Variants in RIN3 observed in about 807,000 individuals in gnomAD.
The protein encoded by RIN3 is RAB5 interacting protein 3.
A neutral mutation model predicts 76.3 loss-of-function variants in RIN3; 54 were observed. The observed-to-expected ratio is 0.71, with a 90% CI of 0.57 to 0.89. The LOEUF (loss-of-function observed/expected upper bound fraction) is 0.89, where lower values mean the gene tolerates loss of function less well. RIN3 is among the 40% of genes least tolerant of loss of function. The pLI is 0.00. For synonymous variants in RIN3, 576 were observed against 564.0 expected (o/e 1.02, Z -0.30); for missense variants, 1,256 against 1,322.1 (o/e 0.95, Z 0.78).
intron 1 of RIN3, among the ~76,000 whole-genome samples, chr14:92,531,521 C>T (rs1050213751): frequency 6.6e-6 from 1 of 152,230 alleles, no homozygotes; most frequent in African/African-American, 2.4e-5. Context: ...CTTGGCTTTG[C>T]AAGGGCACCT....
At chr14:92,529,204 G>T (rs562583900) in intron 1 of RIN3, among the ~76,000 whole-genome samples, 1 of 152,054 alleles carries the variant, frequency 6.6e-6, no homozygotes, top group Admixed American at 6.5e-5. Context: ...TTGCAAATCA[G>T]CTTACTTGCT....
chr14:92,615,403 C>A lies in RIN3; in HGVS notation c.368-4C>A. 6.2e-7 allele frequency: 1 copy of A among 1,613,908 alleles called. No individual in the cohort carries two copies. The highest frequency in any genetic ancestry group is 8.5e-7 in the Non-Finnish European group (1 of 1,179,824). On this transcript the variant is annotated splice_region_variant and splice_polypyrimidine_tract_variant and intron_variant, in intron 3 of 9. Transcript: ENST00000216487. ...CACCCAGGGCCCTTCTTGTGTCTCC[C>A]CAGTATTGTACCTGGAAGGCTCGGC... is the stretch of plus-strand genomic sequence containing the variant.
intron 3 of RIN3, among the ~76,000 whole-genome samples, chr14:92,597,376 T>A (rs1430402963): frequency 6.6e-6 from 1 of 152,176 alleles, no homozygotes; most frequent in East Asian, 1.9e-4. Flanking sequence ...TCTCATTGGC[T>A]CCAGGGTCCT....
In RIN3 at chr14:92,685,906, C is replaced by T. The variant is rs921588066; in HGVS notation, c.2631+756C>T. On this transcript the variant is annotated intron_variant, in intron 9 of 9. Transcript: ENST00000216487. This position sits in a 1 kb window ranked among gnomAD's most constrained non-coding sequence, Gnocchi z 4.7. ...GCTGGGTGGGGTGCCCTCCTCTGGG[C>T]TTCCTGCGGCCTCCCCTTTTACAGT... is the stretch of plus-strand genomic sequence containing the variant. 6.6e-6 allele frequency: 1 copy of T among 152,516 alleles called. No individual in the cohort carries two copies. The highest frequency in any genetic ancestry group is 1.5e-5 in the Non-Finnish European group (1 of 68,302). 9.4% of individuals were successfully genotyped at this position (152,516 alleles called of 1,614,324 possible). A position where few individuals can be genotyped will look rare whatever the true frequency, so the allele number is the denominator to read the frequency against.
chr14:92,523,877 T>C (rs1896659802), intron 1 of RIN3, among the ~76,000 whole-genome samples: 1 of 151,998 alleles, frequency 6.6e-6, no homozygotes, highest in Non-Finnish European at 1.5e-5. Context: ...TGAGAGTTGG[T>C]GTCCCCGCCA....
chr14:92,607,869 G>T (rs1885583586), intron 3 of RIN3, among the ~76,000 whole-genome samples: 1 of 152,182 alleles, frequency 6.6e-6, no homozygotes, highest in Non-Finnish European at 1.5e-5. Context: ...TTGATTCACG[G>T]AACAACTTGG....
chr14:92,678,948 C>T (rs987801617), intron 8 of RIN3, among the ~76,000 whole-genome samples: 2 of 152,194 alleles, frequency 1.3e-5, no homozygotes, highest in Non-Finnish European at 2.9e-5. Flanking sequence ...AGGGCAGGGA[C>T]ATCCTTGGGC....
chr14:92,561,218 T>C (rs1442891713), intron 2 of RIN3, among the ~76,000 whole-genome samples: 1 of 148,788 alleles, frequency 6.7e-6, no homozygotes, highest in Non-Finnish European at 1.5e-5. Flanking sequence ...TCAAAAGGTC[T>C]TCAGAGACCA....
rs776128263 is a variant in RIN3 at position 92,652,026 on chromosome 14, C to A, written c.977C>A (p.Ala326Asp). Residue 326 changes from alanine to aspartate, a missense_variant, in exon 6 of 10, where the codon GCC (alanine) becomes GAC (aspartate). Around this residue, in one of 3 missense-constraint regions of RIN3, gnomAD observed 610 missense variants for 626.4 expected, o/e 0.97. Coordinates refer to ENST00000216487, the MANE Select transcript of RIN3 (RefSeq NM_024832.5). This position sits in a 1 kb window ranked among gnomAD's most constrained non-coding sequence, Gnocchi z 6.4. ...CCTGCCCCCCACGTCACACCCCATGCCCCAGGTCCCCCAGACCATCCGAAC... is the reference window on the plus strand; with the variant it reads ...CCTGCCCCCCACGTCACACCCCATGACCCAGGTCCCCCAGACCATCCGAAC... ...PVPAPHVTPH[A>D]PGPPDHPNQP... is the part of the protein sequence containing the mutation. 1.9e-6 allele frequency: 3 copies of A among 1,592,500 alleles called. No individual in the cohort carries two copies. The East Asian group carries it at 6.7e-5, about 36-fold the overall frequency.
intron 8 of RIN3, among the ~76,000 whole-genome samples, chr14:92,682,452 G>A (rs11160088): frequency 0.26 from 39,828 of 152,142 alleles, 6,603 homozygotes; most frequent in Non-Finnish European, 0.36. Flanking sequence ...AAGTCCAGGC[G>A]AAGCACCTAG....
intron 3 of RIN3, among the ~76,000 whole-genome samples, chr14:92,592,612 A>G (rs546299580): frequency 1.3e-5 from 2 of 150,680 alleles, no homozygotes; most frequent in South Asian, 4.2e-4. Flanking sequence ...CTATGTAAAT[A>G]GTTGTTATAC....
At chr14:92,555,390 C>T (rs1196722513) in intron 1 of RIN3, among the ~76,000 whole-genome samples, 1 of 152,182 alleles carries the variant, frequency 6.6e-6, no homozygotes, top group Non-Finnish European at 1.5e-5. Context: ...AAACTGAGGG[C>T]TCCACTGGGA....
intron 3 of RIN3, among the ~76,000 whole-genome samples, chr14:92,606,580 A>G (rs1311236025): frequency 1.3e-5 from 2 of 152,208 alleles, no homozygotes; most frequent in Non-Finnish European, 1.5e-5. Flanking sequence ...AAGTAACCCA[A>G]TCAAAAATGG....
chr14:92,560,248 G>T (rs56239333), intron 2 of RIN3, among the ~76,000 whole-genome samples: 8,759 of 152,164 alleles, frequency 0.058, 386 homozygotes, highest in East Asian at 0.19. Flanking sequence ...GAGACCACAG[G>T]TGACTGCATT....
At chr14:92,529,405 C>T (rs61354681) in intron 1 of RIN3, among the ~76,000 whole-genome samples, 17,542 of 151,978 alleles carry the variant, frequency 0.12, 1,358 homozygotes, top group Non-Finnish European at 0.16. Context: ...CGTGCCACCA[C>T]GCCCGGCTAA....
chr14:92,557,883 G>T (rs925316269), intron 2 of RIN3, among the ~76,000 whole-genome samples: 1 of 152,232 alleles, frequency 6.6e-6, no homozygotes, highest in African/African-American at 2.4e-5. Flanking sequence ...GATGCCAGGG[G>T]ATGGCCATGT....
chr14:92,565,021 G>GC (rs766348132), intron 2 of RIN3, among the ~76,000 whole-genome samples: 156 of 152,326 alleles, frequency 1.0e-3, no homozygotes, highest in Non-Finnish European at 1.9e-3. Context: ...GGAAACCCAG[G>GC]CAGCCCCCTG....
intron 4 of RIN3, among the ~76,000 whole-genome samples, chr14:92,622,481 A>G (rs1886216809): frequency 6.6e-6 from 1 of 152,220 alleles, no homozygotes; most frequent in Non-Finnish European, 1.5e-5. Flanking sequence ...TGAACCCAGC[A>G]CTCAGGCAAA....
rs56180273 is a variant in RIN3, at chr14:92,661,758, C to CAA, written c.2335+2294_2335+2295dup. On this transcript the variant is annotated intron_variant, in intron 7 of 9. Coordinates refer to ENST00000216487, the MANE Select transcript of RIN3 (RefSeq NM_024832.5). ...ACACACACACACACACACACACACA[C>CAA]AAAAAATAGAATTGTGCTCCCCAAA... Among the ~76,000 whole-genome samples the CAA allele has an allele frequency of 7.9e-3, 1,052 of 133,254 alleles. 11 individuals are homozygous for CAA. The highest frequency in any genetic ancestry group is 0.022 in the South Asian group (91 of 4,112). The allele number at this position is 133,254 out of a possible 152,430, so 87.4% of individuals were successfully genotyped here.
Sources: allele counts gnomAD v4.1 joint callset (sites outside exome capture counted in the v4.1 genomes callset), GRCh38; gene constraint gnomAD v4.1.1; regional missense constraint gnomAD v4.1.1; non-coding constraint Gnocchi (gnomAD v3.1); transcripts MANE v1.5; gene names NCBI Gene and HGNC (gene_info 2026-07-23, HGNC 2026-07-21).